Variants in REEP3 observed in about 807,000 individuals in gnomAD.
REEP3 encodes the protein receptor accessory protein 3, also known as receptor expression-enhancing protein 3.
Under a neutral mutation model 41.3 loss-of-function variants are expected in REEP3, and 20 were observed. That is an observed-to-expected ratio of 0.48 (90% CI 0.34 to 0.70). REEP3 has a LOEUF of 0.70. REEP3 is among the 30% of genes least tolerant of loss of function. The pLI is 0.01. For synonymous variants in REEP3, 104 were observed against 101.8 expected (o/e 1.02, Z -0.13); for missense variants, 271 against 308.8 (o/e 0.88, Z 0.92).
At chr10:63,562,486 A>T in intron 1 of REEP3, 1 of 449,368 alleles carries the variant, frequency 2.2e-6, no homozygotes, top group Non-Finnish European at 4.5e-6. Flanking sequence ...CGAACTCCTG[A>T]CCTCAGGTAA....
At chr10:63,577,542 GC>G (rs1211908902) in intron 2 of REEP3, among the ~76,000 whole-genome samples, 1 of 151,958 alleles carries the variant, frequency 6.6e-6, no homozygotes, top group Non-Finnish European at 1.5e-5. Context: ...TCCCTCCTTG[GC>G]CTCCCCAGTA....
At chr10:63,586,790 C>T (rs1214674763) in intron 2 of REEP3, among the ~76,000 whole-genome samples, 2 of 152,002 alleles carry the variant, frequency 1.3e-5, no homozygotes, top group Admixed American at 1.3e-4. Context: ...CCTAAACCTC[C>T]CAAAGTGCTG....
In REEP3 at chr10:63,622,118, G is replaced by C. The variant is rs1226299327; in HGVS notation, c.*1249G>C. 6.6e-6 allele frequency: 1 copy of C among 152,144 alleles called. No individual in the cohort carries two copies. Among genetic ancestry groups the C allele is most frequent in the Admixed American group, 6.5e-5 (1 of 15,270 alleles). 9.4% of individuals were successfully genotyped at this position (152,144 alleles called of 1,614,324 possible). A position where few individuals can be genotyped will look rare whatever the true frequency, so the allele number is the denominator to read the frequency against. ...AGTCAATATATTTTTGGTGGTTTTA[G>C]TGATCAGTAATCAAATTTGTACTTA... On this transcript the variant is annotated 3_prime_UTR_variant, in exon 8 of 8. Transcript: ENST00000373758.
chr10:63,521,617 C>T (rs1445988466), intron 1 of REEP3, 40 bp downstream of exon 1: 10 of 1,371,734 alleles, frequency 7.3e-6, no homozygotes, highest in Non-Finnish European at 9.6e-6. Context: ...GGCGCGAGGC[C>T]CAGGGGAGCT....
intron 1 of REEP3, among the ~76,000 whole-genome samples, chr10:63,546,697 A>G (rs1011194214): frequency 2.0e-5 from 3 of 152,200 alleles, no homozygotes; most frequent in Non-Finnish European, 4.4e-5. Context: ...GAGTCTAGAA[A>G]GTGACCCATA....
At position 63,595,702 on chromosome 10, in the gene REEP3, G is replaced by A. The variant is rs147090129; in HGVS notation, c.182+848G>A. On this transcript the variant is annotated intron_variant, in intron 3 of 7. Coordinates refer to ENST00000373758, the MANE Select transcript of REEP3 (RefSeq NM_001001330.3). ...AGCGATTCTCCTGCCTCAGCCTCCC[G>A]AGTAGCTGGGATTACAGGCACATGC... Among the ~76,000 whole-genome samples the A allele has an allele frequency of 6.7e-3, 1,021 of 151,940 alleles. 22 individuals are homozygous for A. The highest frequency in any genetic ancestry group is 0.042 in the Admixed American group (641 of 15,268).
intron 2 of REEP3, among the ~76,000 whole-genome samples, chr10:63,579,905 C>T (rs572030087): frequency 9.3e-4 from 142 of 152,310 alleles, no homozygotes; most frequent in African/African-American, 3.4e-3. Context: ...ACCCTCACTG[C>T]AGGGAGACCT....
chr10:63,523,850 G>A (rs961553649), intron 1 of REEP3, among the ~76,000 whole-genome samples: 6 of 152,204 alleles, frequency 3.9e-5, no homozygotes, highest in Non-Finnish European at 8.8e-5. Context: ...TTATAAGGCA[G>A]CAACAGCTTT....
At chr10:63,534,435 A>C (rs1955455909) in intron 1 of REEP3, among the ~76,000 whole-genome samples, 1 of 152,052 alleles carries the variant, frequency 6.6e-6, no homozygotes, top group African/African-American at 2.4e-5. Flanking sequence ...TATTTTGTAG[A>C]GATAGGGCCT....
intron 1 of REEP3, among the ~76,000 whole-genome samples, chr10:63,540,084 T>C (rs1307677886): frequency 6.6e-6 from 1 of 152,208 alleles, no homozygotes; most frequent in East Asian, 1.9e-4. Context: ...TATCTGAAGC[T>C]TAACAGTAAG....
intron 1 of REEP3, among the ~76,000 whole-genome samples, chr10:63,550,501 A>C (rs190688975): frequency 5.3e-4 from 81 of 152,282 alleles, no homozygotes; most frequent in African/African-American, 1.9e-3. Context: ...CTTAAGGTTA[A>C]TTTTCTTAGA....
At chr10:63,586,956 T>C (rs1429832795) in intron 2 of REEP3, among the ~76,000 whole-genome samples, 1 of 150,690 alleles carries the variant, frequency 6.6e-6, no homozygotes, top group Non-Finnish European at 1.5e-5. Flanking sequence ...TCTTTGTTTA[T>C]AGAGTTTTCC....
chr10:63,559,090 C>T (rs1247441896), intron 1 of REEP3, among the ~76,000 whole-genome samples: 2 of 151,980 alleles, frequency 1.3e-5, no homozygotes, highest in African/African-American at 2.4e-5. Flanking sequence ...GGTCATATTA[C>T]ATTTAAGTAA....
At chr10:63,530,718 G>A (rs1218250729) in intron 1 of REEP3, among the ~76,000 whole-genome samples, 1 of 152,076 alleles carries the variant, frequency 6.6e-6, no homozygotes, top group East Asian at 1.9e-4. Flanking sequence ...CTTTTAGGAT[G>A]GAGATTTTTA....
intron 6 of REEP3, among the ~76,000 whole-genome samples, chr10:63,612,840 ATAT>A (rs1728323865): frequency 6.6e-6 from 1 of 152,064 alleles, no homozygotes; most frequent in African/African-American, 2.4e-5. Context: ...TCTGCTACAT[ATAT>A]TATATTTTGC....
chr10:63,580,880 CAT>C (rs1955948058), intron 2 of REEP3, among the ~76,000 whole-genome samples: 3 of 152,168 alleles, frequency 2.0e-5, no homozygotes, highest in African/African-American at 7.2e-5. Flanking sequence ...GGCATAGAGA[CAT>C]GTGCCTACAG....
At chr10:63,571,190 C>T (rs1955849002) in intron 2 of REEP3, among the ~76,000 whole-genome samples, 1 of 152,136 alleles carries the variant, frequency 6.6e-6, no homozygotes. Context: ...GTAATATTTT[C>T]CATTTATATG....
intron 6 of REEP3, among the ~76,000 whole-genome samples, chr10:63,611,548 T>A (rs185226487): frequency 2.5e-4 from 38 of 152,298 alleles, no homozygotes; most frequent in Non-Finnish European, 5.1e-4. Flanking sequence ...AGTCATTTTA[T>A]CACATATAAT....
rs1433595207 is a variant in REEP3, at chr10:63,624,001, A to G, written c.*3132A>G. On this transcript the variant is annotated 3_prime_UTR_variant, in exon 8 of 8. Coordinates refer to ENST00000373758, the MANE Select transcript of REEP3 (RefSeq NM_001001330.3). ...TTCTTTTTTTTCCTTTTTTAGAATA[A>G]CACAGTCTGTGCTTTCCAAAAATGC... is the stretch of plus-strand genomic sequence containing the variant. The G allele has an allele frequency of 6.6e-6, 1 of 152,196 alleles. No individual in the cohort carries two copies. The allele number at this position is 152,196 out of a possible 1,614,324, so 9.4% of individuals were successfully genotyped here. A position where few individuals can be genotyped will look rare whatever the true frequency, so the allele number is the denominator to read the frequency against.
Sources: gnomAD v4.1 joint callset for allele counts (sites outside exome capture counted in the v4.1 genomes callset) on GRCh38, gnomAD v4.1.1 for gene constraint, MANE v1.5 for transcripts, NCBI Gene and HGNC (gene_info 2026-07-23, HGNC 2026-07-21) for gene names.